AFDN: variants seen among roughly 807,000 people sequenced by gnomAD.
AFDN encodes afadin, adherens junction formation factor, also known as afadin.
Under a neutral mutation model 216.6 loss-of-function variants are expected in AFDN, and 68 were observed. The ratio of observed to expected loss-of-function variants is 0.31; its 90% CI spans 0.26 to 0.38. The LOEUF (loss-of-function observed/expected upper bound fraction) is 0.38, where lower values mean the gene tolerates loss of function less well. Ranked by LOEUF, AFDN falls within the 10% of genes least tolerant of loss-of-function variation. AFDN has a pLI of 1.00. For synonymous variants in AFDN, 868 were observed against 853.7 expected (o/e 1.02, Z -0.29); for missense variants, 2,136 against 2,342.0 (o/e 0.91, Z 1.82).
chr6:167,836,212 A>C (rs1780416188), intron 1 of AFDN, among the ~76,000 whole-genome samples: 1 of 152,220 alleles, frequency 6.6e-6, no homozygotes, highest in Non-Finnish European at 1.5e-5. Context: ...GACATTTTCA[A>C]GTTCTACTTA....
At chr6:167,894,129 C>G (rs1787942996) in intron 9 of AFDN, among the ~76,000 whole-genome samples, 1 of 151,972 alleles carries the variant, frequency 6.6e-6, no homozygotes, top group Admixed American at 6.6e-5. Flanking sequence ...TTTATTTTCC[C>G]AGGTTCACCC....
Position 167,827,204 on chromosome 6 carries a change from G to C in AFDN, c.72G>C (p.Arg24=), listed in dbSNP as rs1432951754. ...ADIIHHWNAN[R]LDLFEISQPT... ...TCATCCACCACTGGAACGCCAACCG[G>C]CTGGACCTGTTCGAGATCAGCCAGC... is the stretch of plus-strand genomic sequence containing the variant. Residue 24 remains arginine, a synonymous_variant, in exon 1 of 34, where the codon CGG becomes CGC. Transcript: ENST00000683244. 7.8e-7 allele frequency: 1 copy of C among 1,275,678 alleles called. No homozygotes were observed. Among genetic ancestry groups the C allele is most frequent in the Non-Finnish European group, 1.0e-6 (1 of 979,452 alleles). 79.0% of individuals were successfully genotyped at this position (1,275,678 alleles called of 1,614,324 possible).
rs1282426217 is a variant in AFDN at position 167,913,383 on chromosome 6, C to G, written c.2038-20C>G. 4 of 1,535,388 alleles carry G rather than the reference C, an allele frequency of 2.6e-6. No individual in the cohort carries two copies. Among genetic ancestry groups the G allele is most frequent in the Non-Finnish European group, 2.6e-6 (3 of 1,146,556 alleles). ...CTTTCTCTCGTTCTGCTTGATTTCC[C>G]CTCGTCTGTTTTTCTCCAGGAAGTA... On this transcript the variant is annotated intron_variant, in intron 15 of 33. Coordinates refer to ENST00000683244, the MANE Select transcript of AFDN (RefSeq NM_001386888.1).
Position 167,875,428 on chromosome 6 carries a change from A to G in AFDN, c.672A>G (p.Arg224=). 1.2e-6 allele frequency: 2 copies of G among 1,614,032 alleles called. No individual in the cohort carries two copies. The highest frequency in any genetic ancestry group is 1.7e-6 in the Non-Finnish European group (2 of 1,179,950). ...TISNPEVVMK[R]RRQQKLEKRM... The stretch of plus-strand genomic sequence containing the variant: ...CTAATCCTGAGGTGGTTATGAAACG[A>G]CGGAGGCAGCAAAAATTGGAAAAGA... The change falls in exon 5 of 34, where the codon CGA becomes CGG. Residue 224 remains arginine, a synonymous_variant. Coordinates refer to ENST00000683244, the MANE Select transcript of AFDN (RefSeq NM_001386888.1).
At position 167,969,843 on chromosome 6, in the gene AFDN, C is replaced by G. The variant is rs1797903029; in HGVS notation, c.5404C>G (p.Gln1802Glu). 3 of 1,613,042 alleles carry G rather than the reference C, an allele frequency of 1.9e-6. No homozygotes were observed. The highest frequency in any genetic ancestry group is 3.3e-5 in the Admixed American group (2 of 59,814). Reference sequence around the variant, plus strand: ...TGAAAACTTGACATTCAAGGAACGCCAGCGTCTTTTTTCACAAGGTCAAGA... The same window carrying G: ...TGAAAACTTGACATTCAAGGAACGCGAGCGTCTTTTTTCACAAGGTCAAGA... ...APENLTFKERQRLFSQGQDVS... is the reference protein window; with the variant it reads ...APENLTFKERERLFSQGQDVS... The change falls in exon 34 of 34, where the codon CAG becomes GAG. Residue 1802 changes from glutamine to glutamate, a missense_variant. Physicochemically the swap from Gln to Glu is conservative, Grantham distance 29. This residue lies in a region of AFDN where 981 missense variants were observed against 966.0 expected (regional missense o/e 1.02). Coordinates refer to ENST00000683244, the MANE Select transcript of AFDN (RefSeq NM_001386888.1).
At chr6:167,939,487 A>C (rs1043120249) in intron 23 of AFDN, among the ~76,000 whole-genome samples, 3 of 152,234 alleles carry the variant, frequency 2.0e-5, no homozygotes, top group African/African-American at 7.2e-5. Flanking sequence ...AAGGACTATC[A>C]GCGCTCCAAC....
chr6:167,952,550 C>A, intron 30 of AFDN: 1 of 973,548 alleles, frequency 1.0e-6, no homozygotes, highest in Non-Finnish European at 1.2e-6. Context: ...TCTTCCAGGG[C>A]CAGATTGATA....
intron 2 of AFDN, among the ~76,000 whole-genome samples, chr6:167,868,184 C>T (rs1317457951): frequency 2.0e-5 from 3 of 152,102 alleles, no homozygotes; most frequent in African/African-American, 7.2e-5. Flanking sequence ...TATATTATTA[C>T]TAATACAGCA....
chr6:167,958,401 T>C (rs994238488), intron 30 of AFDN, among the ~76,000 whole-genome samples: 2 of 152,236 alleles, frequency 1.3e-5, no homozygotes, highest in African/African-American at 2.4e-5. Context: ...TGAATTCATA[T>C]TACGTGCCCT....
Position 167,922,929 on chromosome 6 carries a change from A to C in AFDN, c.2982A>C (p.Glu994Asp), listed in dbSNP as rs746651209. Residue 994 changes from glutamate to aspartate, a missense_variant, in exon 22 of 34, where the codon GAA becomes GAC. Glu to Asp is a conservative substitution (Grantham distance 45). Transcript: ENST00000683244. ...TATATTTTGAAGGTGCAGATTATGA[A>C]AGTCACCTTCTGCGTGAGAACACAG... ...WTIYFEGADY[E>D]SHLLRENTEL... The C allele has an allele frequency of 3.7e-6, 6 of 1,613,062 alleles. No individual in the cohort carries two copies. The highest frequency in any genetic ancestry group is 4.2e-6 in the Non-Finnish European group (5 of 1,179,476).
At chr6:167,961,040 T>C (rs959931699) in intron 30 of AFDN, among the ~76,000 whole-genome samples, 8 of 151,764 alleles carry the variant, frequency 5.3e-5, no homozygotes, top group African/African-American at 1.9e-4. Context: ...TTCACAGAAA[T>C]CAAGGGAGAG....
chr6:167,836,250 C>T (rs1429070930), intron 1 of AFDN, among the ~76,000 whole-genome samples: 1 of 152,108 alleles, frequency 6.6e-6, no homozygotes, highest in East Asian at 1.9e-4. Context: ...GGAGCAGTGG[C>T]GTCTCATGTA....
intron 6 of AFDN, among the ~76,000 whole-genome samples, chr6:167,884,164 G>C (rs778411472): frequency 1.7e-4 from 26 of 152,148 alleles, no homozygotes; most frequent in Non-Finnish European, 3.5e-4. Flanking sequence ...CACATCTTCA[G>C]ACCCCATTTA....
chr6:167,838,494 T>A (rs1780699318), intron 1 of AFDN, among the ~76,000 whole-genome samples: 1 of 152,234 alleles, frequency 6.6e-6, no homozygotes, highest in South Asian at 2.1e-4. Flanking sequence ...CTTACTGCCA[T>A]CACTCAGTTA....
chr6:167,961,162 T>C (rs1796999035), intron 30 of AFDN, among the ~76,000 whole-genome samples: 1 of 152,214 alleles, frequency 6.6e-6, no homozygotes, highest in African/African-American at 2.4e-5. Context: ...CTGGTAATTC[T>C]GTAGAAATTG....
chr6:167,964,765 T>C (rs1341214667), intron 31 of AFDN: 1 of 1,066,034 alleles, frequency 9.4e-7, no homozygotes, highest in Non-Finnish European at 1.1e-6. Context: ...TTTTCTTTGG[T>C]TGAACAAATT....
intron 1 of AFDN, among the ~76,000 whole-genome samples, chr6:167,863,512 T>C (rs1783817789): frequency 6.6e-6 from 1 of 152,218 alleles, no homozygotes; most frequent in Non-Finnish European, 1.5e-5. Flanking sequence ...TGTGACTTAG[T>C]TTGAACAGGA....
intron 31 of AFDN, chr6:167,963,621 A>G (rs1343938354): frequency 9.4e-7 from 1 of 1,058,852 alleles, no homozygotes; most frequent in Non-Finnish European, 1.1e-6. Context: ...AAGGACACTC[A>G]CCTCTGTTGA....
At chr6:167,846,623 T>C in intron 1 of AFDN, among the ~76,000 whole-genome samples, 1 of 150,280 alleles carries the variant, frequency 6.7e-6, no homozygotes, top group East Asian at 1.9e-4. Flanking sequence ...ATGAAATGGC[T>C]TTTTTTTTCA....
Sources: gnomAD v4.1 joint callset for allele counts (sites outside exome capture counted in the v4.1 genomes callset) on GRCh38, gnomAD v4.1.1 for gene constraint, gnomAD v4.1.1 regional missense constraint, MANE v1.5 for transcripts, NCBI Gene and HGNC (gene_info 2026-07-23, HGNC 2026-07-21) for gene names.